Variants in NSMF observed in about 807,000 individuals in gnomAD.
The protein encoded by NSMF is nasal embryonic LHRH factor.
NSMF carries 31 observed loss-of-function variants against 71.0 expected under a neutral mutation model. The ratio of observed to expected loss-of-function variants is 0.44; its 90% confidence interval spans 0.33 to 0.59. The LOEUF (loss-of-function observed/expected upper bound fraction) is 0.59. Ranked by LOEUF, NSMF falls within the 20% of genes least tolerant of loss-of-function variation. The pLI is 0.04. For synonymous variants in NSMF, 345 were observed against 287.1 expected (o/e 1.20, Z -2.04); for missense variants, 673 against 740.5 (o/e 0.91, Z 1.06).
rs1222838445 is a variant in NSMF at position 137,450,240 on chromosome 9, G to T, written c.1252C>A (p.Leu418Ile). Residue 418 changes from leucine to isoleucine, a missense_variant, in exon 13 of 16, where the codon CTC becomes ATC. By Grantham distance (5) the Leu-to-Ile change is conservative. Around this residue, in one of 2 missense-constraint regions of NSMF, gnomAD observed 202 missense variants for 280.8 expected, o/e 0.72. Coordinates refer to ENST00000371475, the MANE Select transcript of NSMF (RefSeq NM_001130969.3). ...LIFCQGGPGH[L>I]YLLKNKVATF... The stretch of plus-strand genomic sequence containing the variant: ...GCCACCTTGTTCTTGAGGAGATAGA[G>T]GTGTCCAGGACCTCCCTGTAAGAAG... 3 of 1,613,224 alleles carry T rather than the reference G, an allele frequency of 1.9e-6. No individual in the cohort carries two copies. In the South Asian group the frequency reaches 3.3e-5, roughly 18 times the overall value.
chr9:137,452,773 A>G lies in NSMF; in HGVS notation c.1094T>C (p.Ile365Thr), dbSNP rs759780292. Reference sequence around the variant, plus strand: ...GATGATGGAGGGGTCATCCCGGCGGATGATAGTGGGGATGTACTCAGCCTT... The same window carrying G: ...GATGATGGAGGGGTCATCCCGGCGGGTGATAGTGGGGATGTACTCAGCCTT... ...VPKAEYIPTI[I>T]RRDDPSIIPI... Residue 365 changes from isoleucine to threonine, a missense_variant, in exon 10 of 16, where the codon ATC becomes ACC. Ile to Thr is a moderately conservative substitution (Grantham distance 89, BLOSUM62 -1). This residue lies in a region of NSMF where 202 missense variants were observed against 280.8 expected (regional missense o/e 0.72). Transcript: ENST00000371475. 1 of 1,607,094 alleles carries G rather than the reference A, an allele frequency of 6.2e-7. No homozygotes were observed. Among genetic ancestry groups the G allele is most frequent in the South Asian group, 1.1e-5 (1 of 90,094 alleles).
intron 5 of NSMF, 99 bp from the exon 6 acceptor site, chr9:137,455,406 G>A (rs1830782863): frequency 7.3e-7 from 1 of 1,375,166 alleles, no homozygotes. Context: ...CAGGGCGTCT[G>A]GGGCACGGGG....
chr9:137,450,001 C>T lies in NSMF; in HGVS notation c.1341G>A (p.Leu447=). Residue 447 remains leucine (L), a synonymous_variant, in exon 14 of 16, where the codon CTG becomes CTA. Coordinates refer to ENST00000371475, the MANE Select transcript of NSMF (RefSeq NM_001130969.3). ...TCGGCTCTGGGTTCACTTTGCTCATCAGGCGGCTCAGCCGCTTCCAGAAGC... is the reference window on the plus strand; with the variant it reads ...TCGGCTCTGGGTTCACTTTGCTCATTAGGCGGCTCAGCCGCTTCCAGAAGC... ...MIHFWKRLSR[L]MSKVNPEPNV... The T allele has an allele frequency of 1.9e-6, 3 of 1,613,048 alleles. No individual in the cohort carries two copies. The highest frequency in any genetic ancestry group is 2.5e-6 in the Non-Finnish European group (3 of 1,179,900).
In NSMF at chr9:137,459,225, C is replaced by T. The variant is rs1330007370; in HGVS notation, c.-123G>A. 1.4e-6 allele frequency: 1 copy of T among 691,374 alleles called. No homozygotes were observed. Among genetic ancestry groups the T allele is most frequent in the Non-Finnish European group, 1.8e-6 (1 of 547,222 alleles). 42.8% of individuals were successfully genotyped at this position (691,374 alleles called of 1,614,324 possible). On this transcript the variant is annotated 5_prime_UTR_variant, in exon 1 of 16. Transcript: ENST00000371475. ...TCGGGCTCGGGGTCTCGCTCGGGCT[C>T]CGGCTCGGGCTTGGGCTCGGGGTCG...
rs1288709467 is a variant in NSMF at position 137,455,622 on chromosome 9, T to G, written c.710+7A>C. 1.3e-6 allele frequency: 2 copies of G among 1,550,160 alleles called. No homozygotes were observed. The highest frequency in any genetic ancestry group is 4.9e-5 in the East Asian group (2 of 40,932). On this transcript the variant is annotated splice_region_variant and intron_variant, in intron 5 of 15. Transcript: ENST00000371475. Reference sequence around the variant, plus strand: ...GCCCTTAGGCACCAAGTCATACAGGTACTTACGAGATGCTGAAGCCAGGGC... The same window carrying G: ...GCCCTTAGGCACCAAGTCATACAGGGACTTACGAGATGCTGAAGCCAGGGC...
chr9:137,454,446 G>C lies in NSMF; in HGVS notation c.780-3C>G. The C allele has an allele frequency of 1.3e-6, 2 of 1,550,184 alleles. No homozygotes were observed. The highest frequency in any genetic ancestry group is 1.7e-6 in the Non-Finnish European group (2 of 1,146,838). Reference sequence around the variant, plus strand: ...TGCGCAGGTGTTTGCGGAAGTTCCTGGGGGAGGAAGCCAGGGGCTGAAGAG... The same window carrying C: ...TGCGCAGGTGTTTGCGGAAGTTCCTCGGGGAGGAAGCCAGGGGCTGAAGAG... On this transcript the variant is annotated splice_region_variant and splice_polypyrimidine_tract_variant and intron_variant, in intron 6 of 15. Coordinates refer to ENST00000371475, the MANE Select transcript of NSMF (RefSeq NM_001130969.3).
At chr9:137,458,639 C>T in intron 1 of NSMF, 90 bp from the exon 2 acceptor site, 1 of 1,276,912 alleles carries the variant, frequency 7.8e-7, no homozygotes, top group Non-Finnish European at 1.1e-6. Flanking sequence ...GGTCCCCAGC[C>T]AGGCCCTCGG....
intron 7 of NSMF, 104 bp downstream of exon 7, chr9:137,454,287 T>C (rs992984909): frequency 2.0e-5 from 23 of 1,139,616 alleles, no homozygotes; most frequent in Middle Eastern, 2.8e-4. Context: ...CAGGGCCCGA[T>C]TGGGGTTGGG....
chr9:137,454,781 A>G, intron 6 of NSMF: 1 of 1,398,164 alleles, frequency 7.2e-7, no homozygotes. Context: ...CAGAGGATCC[A>G]GCCTGCCTGC....
chr9:137,458,648 G>A (rs1040392026), intron 1 of NSMF, 99 bp from the exon 2 acceptor site: 12 of 1,206,574 alleles, frequency 9.9e-6, no homozygotes, highest in African/African-American at 3.0e-5. Context: ...CCAGGCCCTC[G>A]GCGTCTGGAA....
chr9:137,451,659 A>T (rs1588496681), intron 12 of NSMF, among the ~76,000 whole-genome samples: 1 of 236 alleles, frequency 4.2e-3, no homozygotes, highest in Non-Finnish European at 6.7e-3. Context: ...CTCCCCCGCC[A>T]CGTCTCTTCC....
In NSMF at chr9:137,452,719, C is replaced by T; in HGVS notation, c.1131+17G>A. 3 of 1,604,002 alleles carry T rather than the reference C, an allele frequency of 1.9e-6. No homozygotes were observed. The highest frequency in any genetic ancestry group is 2.6e-6 in the Non-Finnish European group (3 of 1,176,078). ...CAAGAGGGCATCTGTTGGGGGCAGGCCCGGGGCGGGACTCACGTAGAGGAT... is the reference window on the plus strand; with the variant it reads ...CAAGAGGGCATCTGTTGGGGGCAGGTCCGGGGCGGGACTCACGTAGAGGAT... On this transcript the variant is annotated intron_variant, in intron 10 of 15. Transcript: ENST00000371475.
At chr9:137,454,902 C>T in intron 6 of NSMF, 1 of 335,320 alleles carries the variant, frequency 3.0e-6, no homozygotes, top group Non-Finnish European at 4.2e-6. Context: ...CAGGTCCTCT[C>T]CTCCACCAAA....
rs1250444143 is a variant in NSMF, at chr9:137,452,577, G to A, written c.1141C>T (p.His381Tyr). ...SIIPILYDHE[H>Y]ATFEDILEEI... ...CCAAGGATGTCCTCGAAGGTTGCGT[G>A]CTCATGGTCCTGGGGACAGACACAG... The change falls in exon 11 of 16, where the codon CAC becomes TAC. Residue 381 changes from histidine to tyrosine, a missense_variant. Around this residue, in one of 2 missense-constraint regions of NSMF, gnomAD observed 202 missense variants for 280.8 expected, o/e 0.72. Transcript: ENST00000371475. 1.2e-6 allele frequency: 2 copies of A among 1,612,678 alleles called. No homozygotes were observed. Among genetic ancestry groups the A allele is most frequent in the Admixed American group, 3.3e-5 (2 of 60,022 alleles).
Position 137,453,795 on chromosome 9 carries a change from G to A in NSMF, c.858C>T (p.Ser286=), listed in dbSNP as rs747675258. ...AQTFAERRER[S]FSRSWSDPTP... is the part of the protein sequence containing the mutation. ...TGGGGTCGCTCCAGGACCGGCTGAAGCTCCGCTCGCGCCGCTCAGCGAACG... is the reference window on the plus strand; with the variant it reads ...TGGGGTCGCTCCAGGACCGGCTGAAACTCCGCTCGCGCCGCTCAGCGAACG... Residue 286 remains serine, a synonymous_variant, in exon 8 of 16, where the codon AGC becomes AGT. Coordinates refer to ENST00000371475, the MANE Select transcript of NSMF (RefSeq NM_001130969.3). The surrounding 1 kb of genome is among the most constrained non-coding windows in gnomAD (Gnocchi z 4.5). 5.6e-6 allele frequency: 9 copies of A among 1,597,536 alleles called. No homozygotes were observed. The highest frequency in any genetic ancestry group is 7.6e-6 in the Non-Finnish European group (9 of 1,177,666).
rs1830919185 is a variant in NSMF, at chr9:137,457,811, G to C, written c.224C>G (p.Ser75Cys). ...GAGGCTGCCCTCGTAGCAGCCGTTG[G>C]AGACGAGGGACAGGCGGCGCTTGTT... Reference protein sequence around the residue: ...PQNKRRLSLVSNGCYEGSLSE... With the variant: ...PQNKRRLSLVCNGCYEGSLSE... The change falls in exon 3 of 16, where the codon TCC becomes TGC. Residue 75 changes from serine (S) to cysteine (C), a missense_variant. Coordinates refer to ENST00000371475, the MANE Select transcript of NSMF (RefSeq NM_001130969.3). The C allele has an allele frequency of 6.4e-7, 1 of 1,558,052 alleles. No homozygotes were observed. Among genetic ancestry groups the C allele is most frequent in the South Asian group, 1.2e-5 (1 of 84,650 alleles).
intron 1 of NSMF, 92 bp from the exon 2 acceptor site, chr9:137,458,641 G>C: frequency 1.0e-5 from 13 of 1,246,496 alleles, no homozygotes; most frequent in Non-Finnish European, 1.5e-5. Context: ...TCCCCAGCCA[G>C]GCCCTCGGCG....
At chr9:137,458,999 C>T in intron 1 of NSMF, 33 bp downstream of exon 1, 1 of 1,267,806 alleles carries the variant, frequency 7.9e-7, no homozygotes, top group Non-Finnish European at 1.0e-6. Flanking sequence ...AGGTCCAGGG[C>T]GGGGTGCGGG....
Position 137,454,380 on chromosome 9 carries a change from C to T in NSMF, c.832+11G>A. Reference sequence around the variant, plus strand: ...ACGCCGCCCCCCCACCCCCGCCGCACGGGGTCTTACTCTGGGCCTTCACCC... The same window carrying T: ...ACGCCGCCCCCCCACCCCCGCCGCATGGGGTCTTACTCTGGGCCTTCACCC... On this transcript the variant is annotated intron_variant, in intron 7 of 15. Coordinates refer to ENST00000371475, the MANE Select transcript of NSMF (RefSeq NM_001130969.3). 1.3e-6 allele frequency: 2 copies of T among 1,549,910 alleles called. No homozygotes were observed. Among genetic ancestry groups the T allele is most frequent in the East Asian group, 2.4e-5 (1 of 40,902 alleles).
Sources: gnomAD v4.1 joint callset for allele counts (sites outside exome capture counted in the v4.1 genomes callset) on GRCh38, gnomAD v4.1.1 for gene constraint, gnomAD v4.1.1 regional missense constraint, Gnocchi (gnomAD v3.1) non-coding constraint, MANE v1.5 for transcripts, NCBI Gene and HGNC (gene_info 2026-07-23, HGNC 2026-07-21) for gene names.